The following PDE7B variants were observed in gnomAD, a reference collection of about 807,000 sequenced individuals.
PDE7B encodes the protein 3',5'-cyclic-AMP phosphodiesterase 7B.
Under a neutral mutation model 56.2 loss-of-function variants are expected in PDE7B, and 29 were observed. That is an observed-to-expected ratio of 0.52 (90% CI 0.38 to 0.70). The LOEUF (loss-of-function observed/expected upper bound fraction) is 0.70. Ranked by LOEUF, PDE7B falls within the 30% of genes least tolerant of loss-of-function variation. The pLI is 0.00. For synonymous variants in PDE7B, 197 were observed against 196.9 expected, an observed-to-expected ratio of 1.00 and a Z score of 0.00; for missense variants, 490 against 565.0, an observed-to-expected ratio of 0.87 and a Z score of 1.35.
At chr6:136,076,420 C>T (rs1479723577) in intron 2 of PDE7B, among the ~76,000 whole-genome samples, 1 of 152,048 alleles carries the variant, frequency 6.6e-6, no homozygotes, top group Non-Finnish European at 1.5e-5. Flanking sequence ...TTGCAGTGAG[C>T]CAAGATTGCG....
chr6:135,903,644 T>C (rs1340855510), intron 1 of PDE7B, among the ~76,000 whole-genome samples: 1 of 152,208 alleles, frequency 6.6e-6, no homozygotes, highest in Non-Finnish European at 1.5e-5. Flanking sequence ...AAGAGGTCCA[T>C]GAACAAATTG....
chr6:136,018,145 A>C (rs888855670), intron 2 of PDE7B, among the ~76,000 whole-genome samples: 1 of 152,186 alleles, frequency 6.6e-6, no homozygotes, highest in East Asian at 1.9e-4. Flanking sequence ...AATCATTTGA[A>C]TCTCACAGGA....
At chr6:136,075,813 C>A (rs1220078485) in intron 2 of PDE7B, among the ~76,000 whole-genome samples, 1 of 152,148 alleles carries the variant, frequency 6.6e-6, no homozygotes, top group Non-Finnish European at 1.5e-5. Context: ...AGAGGAGGTA[C>A]GGCTAGTCAA....
At chr6:135,936,666 G>A (rs568229344) in intron 1 of PDE7B, among the ~76,000 whole-genome samples, 91 of 152,288 alleles carry the variant, frequency 6.0e-4, no homozygotes, top group African/African-American at 2.1e-3. Context: ...TTTTCTTGAA[G>A]TGCAGCATGC....
intron 2 of PDE7B, among the ~76,000 whole-genome samples, chr6:136,105,526 G>C (rs1777632374): frequency 6.6e-6 from 1 of 152,180 alleles, no homozygotes; most frequent in Admixed American, 6.5e-5. Context: ...TTGGGTTGAT[G>C]ATGTGAGATA....
chr6:135,857,354 T>C (rs1337127760), intron 1 of PDE7B, among the ~76,000 whole-genome samples: 1 of 152,150 alleles, frequency 6.6e-6, no homozygotes. Flanking sequence ...TTCTACAAGA[T>C]GAAAATTATT....
chr6:136,036,231 A>G (rs1776324100), intron 2 of PDE7B, among the ~76,000 whole-genome samples: 1 of 152,194 alleles, frequency 6.6e-6, no homozygotes, highest in African/African-American at 2.4e-5. Context: ...AAATCCTTTC[A>G]TCTCTTATCA....
At chr6:135,984,307 T>G (rs1260704096) in intron 2 of PDE7B, among the ~76,000 whole-genome samples, 2 of 152,184 alleles carry the variant, frequency 1.3e-5, no homozygotes, top group African/African-American at 4.8e-5. Context: ...TTGTTTGTTT[T>G]TTTTGTTTGT....
intron 3 of PDE7B, among the ~76,000 whole-genome samples, chr6:136,125,710 A>G (rs1398106474): frequency 1.3e-5 from 2 of 152,162 alleles, no homozygotes; most frequent in Non-Finnish European, 2.9e-5. Flanking sequence ...CATGACTGAA[A>G]TTGAGGAAAC....
intron 1 of PDE7B, among the ~76,000 whole-genome samples, chr6:135,905,139 C>T (rs1023452980): frequency 2.0e-5 from 3 of 152,138 alleles, no homozygotes; most frequent in Non-Finnish European, 4.4e-5. Flanking sequence ...ATTATAGTAT[C>T]AGTGTAGCAA....
chr6:135,985,315 C>A (rs1775358702), intron 2 of PDE7B, among the ~76,000 whole-genome samples: 1 of 152,156 alleles, frequency 6.6e-6, no homozygotes, highest in African/African-American at 2.4e-5. Flanking sequence ...TTGGGAGCTC[C>A]ACAGGCCCCT....
intron 1 of PDE7B, among the ~76,000 whole-genome samples, chr6:135,864,699 T>A (rs930005841): frequency 2.0e-4 from 31 of 152,166 alleles, no homozygotes; most frequent in Non-Finnish European, 3.4e-4. Context: ...GTTTCTTAAA[T>A]GTGTGTCGTG....
chr6:135,858,901 A>G (rs186698306), intron 1 of PDE7B, among the ~76,000 whole-genome samples: 2 of 152,334 alleles, frequency 1.3e-5, no homozygotes, highest in East Asian at 1.9e-4. Flanking sequence ...AGGAAATCAC[A>G]TATCATAGAC....
intron 3 of PDE7B, among the ~76,000 whole-genome samples, chr6:136,115,741 C>G (rs1037049612): frequency 6.6e-6 from 1 of 152,194 alleles, no homozygotes; most frequent in African/African-American, 2.4e-5. Flanking sequence ...AGCACCTACT[C>G]TATGCCAAGA....
At chr6:136,168,449 T>G (rs957416771) in intron 8 of PDE7B, among the ~76,000 whole-genome samples, 1 of 148,512 alleles carries the variant, frequency 6.7e-6, no homozygotes, top group African/African-American at 2.6e-5. Flanking sequence ...TTATTTATCC[T>G]TGGATCCCCA....
At chr6:135,994,361 A>C (rs535047362) in intron 2 of PDE7B, among the ~76,000 whole-genome samples, 2 of 152,292 alleles carry the variant, frequency 1.3e-5, no homozygotes, top group African/African-American at 4.8e-5. Context: ...AGGTGAAAAA[A>C]ATAGTATGGT....
chr6:135,945,902 C>A (rs1340805130), intron 1 of PDE7B, among the ~76,000 whole-genome samples: 1 of 151,998 alleles, frequency 6.6e-6, no homozygotes, highest in Admixed American at 6.6e-5. Context: ...AATATGAGGA[C>A]AATTCTTATT....
chr6:136,167,449 G>A (rs1341700437), intron 8 of PDE7B, among the ~76,000 whole-genome samples: 1 of 152,020 alleles, frequency 6.6e-6, no homozygotes, highest in Non-Finnish European at 1.5e-5. Flanking sequence ...GTTTCATAAA[G>A]GGGAGGTTTC....
chr6:136,073,090 C>T (rs1264969600), intron 2 of PDE7B, among the ~76,000 whole-genome samples: 2 of 152,100 alleles, frequency 1.3e-5, no homozygotes, highest in African/African-American at 4.8e-5. Flanking sequence ...GGCTAAGGAG[C>T]ATTGATGGAA....
Sources: gnomAD v4.1 joint callset for allele counts (sites outside exome capture counted in the v4.1 genomes callset) on GRCh38, gnomAD v4.1.1 for gene constraint, MANE v1.5 for transcripts, NCBI Gene and HGNC (gene_info 2026-07-23, HGNC 2026-07-21) for gene names.